WDR4: variants seen among roughly 807,000 people sequenced by gnomAD.
The protein encoded by WDR4 is WDR4 tRNA N7-guanosine methyltransferase non-catalytic subunit, also known as tRNA (guanine-N(7)-)-methyltransferase non-catalytic subunit WDR4.
A neutral mutation model predicts 48.6 loss-of-function variants in WDR4; 47 were observed. The observed-to-expected ratio is 0.97, with a 90% confidence interval of 0.77 to 1.23. The LOEUF is 1.23. WDR4 is among the 50% of genes most tolerant of loss of function. WDR4 has a pLI of 0.00. For missense variants in WDR4, 606 were observed against 551.6 expected (o/e 1.10, Z -0.99); for synonymous variants, 268 against 230.0 (o/e 1.17, Z -1.49).
At chr21:42,846,807 A>G (rs1299877544), downstream of WDR4, among the ~76,000 whole-genome samples, 1 of 152,206 alleles carries the variant, frequency 6.6e-6, no homozygotes, top group African/African-American at 2.4e-5. Flanking sequence ...GGATCACCTG[A>G]GGTCAGGAGT....
intron 3 of WDR4, among the ~76,000 whole-genome samples, chr21:42,865,925 G>A (rs2058235220): frequency 6.6e-6 from 1 of 151,998 alleles, no homozygotes; most frequent in African/African-American, 2.4e-5. Flanking sequence ...CCTCCAGAGA[G>A]CCGCCTGGGC....
At chr21:42,847,703 T>C (rs2057722832), downstream of WDR4, among the ~76,000 whole-genome samples, 1 of 152,248 alleles carries the variant, frequency 6.6e-6, no homozygotes, top group Non-Finnish European at 1.5e-5. Flanking sequence ...GAAATGTGAA[T>C]TTCATGATTT....
intron 3 of WDR4, 125 bp downstream of exon 3, chr21:42,873,426 T>G: frequency 7.3e-7 from 1 of 1,377,380 alleles, no homozygotes; most frequent in Non-Finnish European, 1.0e-6. Flanking sequence ...TGTCTGGCAC[T>G]GAACTGCGGC....
chr21:42,862,444 C>A lies in WDR4; in HGVS notation c.454-50G>T. On this transcript the variant is annotated intron_variant, in intron 4 of 10. Coordinates refer to ENST00000398208, the MANE Select transcript of WDR4 (RefSeq NM_018669.6). The surrounding 1 kb of genome is among the most constrained non-coding windows in gnomAD (Gnocchi z 4.3). The stretch of plus-strand genomic sequence containing the variant: ...AAAAAGCCGCTCACCTGAGTCTTCC[C>A]GAATCAAGTCCCTCATGGAAGAAGG... 6.7e-7 allele frequency: 1 copy of A among 1,500,134 alleles called. No homozygotes were observed. Among genetic ancestry groups the A allele is most frequent in the East Asian group, 2.4e-5 (1 of 40,986 alleles). The allele number at this position is 1,500,134 out of a possible 1,614,324, so 92.9% of individuals were successfully genotyped here. A position where few individuals can be genotyped will look rare whatever the true frequency, so the allele number is the denominator to read the frequency against.
the WDR4 span, among the ~76,000 whole-genome samples, chr21:42,892,238 A>G: frequency 6.8e-6 from 1 of 148,122 alleles, no homozygotes; most frequent in African/African-American, 2.6e-5. Context: ...TGGGCTACAG[A>G]GCAAGACTCC....
chr21:42,863,641 C>A, intron 3 of WDR4, 45 bp from the exon 4 acceptor site: 1 of 1,590,646 alleles, frequency 6.3e-7, no homozygotes, highest in Non-Finnish European at 8.6e-7. Flanking sequence ...AGGAGCAGCG[C>A]AGGGTCCTCG....
chr21:42,859,812 A>G, intron 5 of WDR4, 90 bp from the exon 6 acceptor site: 1 of 1,318,748 alleles, frequency 7.6e-7, no homozygotes, highest in Non-Finnish European at 1.1e-6. Flanking sequence ...CATCTAAGGA[A>G]GAGAAGCCTC....
In WDR4 at chr21:42,854,615, C is replaced by T. The variant is rs367663245; in HGVS notation, c.738G>A (p.Ala246=). The change falls in exon 8 of 11, where the codon GCG becomes GCA. Residue 246 remains alanine, a synonymous_variant. Transcript: ENST00000398208. ...VDPQAPQKFA[A]SRIAFWCQEN... The stretch of plus-strand genomic sequence containing the variant: ...CCTGGCACCAGAATGCAATCCTGGA[C>T]GCGGCAAACTTCTAAAAGGAGAAGA... The T allele has an allele frequency of 1.2e-5, 19 of 1,613,532 alleles. No individual in the cohort carries two copies. The highest frequency in any genetic ancestry group is 3.3e-5 in the South Asian group (3 of 90,984).
intron 1 of WDR4, among the ~76,000 whole-genome samples, chr21:42,878,378 A>C (rs2058549153): frequency 6.6e-6 from 1 of 152,368 alleles, no homozygotes; most frequent in Admixed American, 6.5e-5. Context: ...CTCAAAATGC[A>C]AAGACTGAAG....
chr21:42,853,487 C>A (rs1379347899), intron 9 of WDR4, 82 bp downstream of exon 9: 16 of 1,463,218 alleles, frequency 1.1e-5, no homozygotes, highest in Non-Finnish European at 1.5e-5. Flanking sequence ...ACCCATGGAC[C>A]CAAAAAACAT....
intron 1 of WDR4, chr21:42,879,169 G>T: frequency 7.5e-7 from 1 of 1,331,830 alleles, no homozygotes; most frequent in Non-Finnish European, 9.6e-7. Flanking sequence ...GCCATCTAGT[G>T]CAAGGAGCGC....
intron 9 of WDR4, 38 bp downstream of exon 9, chr21:42,853,531 G>C (rs1159727848): frequency 1.3e-6 from 2 of 1,580,972 alleles, no homozygotes; most frequent in African/African-American, 2.7e-5. Context: ...CTTATGGAAA[G>C]GCAGGGCATA....
chr21:42,883,355 C>T (rs1463202602), upstream of WDR4, among the ~76,000 whole-genome samples: 1 of 134,600 alleles, frequency 7.4e-6, no homozygotes, highest in Non-Finnish European at 1.6e-5. Flanking sequence ...ACGACATAAG[C>T]ATTGTCTTAT....
In WDR4 at chr21:42,849,930, T is replaced by G; in HGVS notation, c.*119A>C. ...TAGAGCCCAGGGGACAGCCCCATCC[T>G]CTGAGCTGGTCACAACTGATGTCAC... is the stretch of plus-strand genomic sequence containing the variant. On this transcript the variant is annotated 3_prime_UTR_variant, in exon 11 of 11. Transcript: ENST00000398208. 1.6e-6 allele frequency: 2 copies of G among 1,277,364 alleles called. No individual in the cohort carries two copies. Among genetic ancestry groups the G allele is most frequent in the Non-Finnish European group, 2.2e-6 (2 of 912,030 alleles). 79.1% of individuals were successfully genotyped at this position (1,277,364 alleles called of 1,614,324 possible).
chr21:42,885,604 C>T, the WDR4 span, among the ~76,000 whole-genome samples: 5 of 99,642 alleles, frequency 5.0e-5, no homozygotes. Flanking sequence ...CGCAAAACTC[C>T]ATCAAAAAAA....
chr21:42,871,970 T>C (rs965547877), intron 3 of WDR4, among the ~76,000 whole-genome samples: 1 of 148,720 alleles, frequency 6.7e-6, no homozygotes, highest in African/African-American at 2.5e-5. Context: ...TCATTGCTTT[T>C]GATGCCACCT....
At chr21:42,849,201 A>T, downstream of WDR4, 1 of 150,812 alleles carries the variant, frequency 6.6e-6, no homozygotes, top group Non-Finnish European at 1.5e-5. Flanking sequence ...CGCGCACCTC[A>T]CACACACACA....
upstream of WDR4, among the ~76,000 whole-genome samples, chr21:42,883,390 G>A (rs1348029211): frequency 7.0e-6 from 1 of 143,504 alleles, no homozygotes; most frequent in African/African-American, 2.6e-5. Flanking sequence ...AAAAAAAATT[G>A]TGTAAAAACA....
At chr21:42,875,050 T>G (rs999246317) in intron 2 of WDR4, among the ~76,000 whole-genome samples, 1 of 152,174 alleles carries the variant, frequency 6.6e-6, no homozygotes, top group African/African-American at 2.4e-5. Context: ...TTCTCTCTTT[T>G]GTACTCTGTC....
Sources: allele counts gnomAD v4.1 joint callset (sites outside exome capture counted in the v4.1 genomes callset), GRCh38; gene constraint gnomAD v4.1.1; non-coding constraint Gnocchi (gnomAD v3.1); transcripts MANE v1.5; gene names NCBI Gene and HGNC (gene_info 2026-07-23, HGNC 2026-07-21).